Variants in ARHGAP39 observed in about 807,000 individuals in gnomAD.
The protein encoded by ARHGAP39 is rho GTPase-activating protein 39.
A neutral mutation model predicts 106.9 loss-of-function variants in ARHGAP39; 44 were observed. The observed-to-expected ratio is 0.41, with a 90% CI of 0.32 to 0.53. The LOEUF (loss-of-function observed/expected upper bound fraction) is 0.53. Among genes scored for constraint, ARHGAP39 ranks in the 20% least tolerant of loss-of-function variants. The probability of loss-of-function intolerance (pLI) is 0.21; values close to 1 mark genes in which losing one functional copy is unlikely to be tolerated. For missense variants in ARHGAP39, 1,496 were observed against 1,577.3 expected (o/e 0.95, Z 0.87); for synonymous variants, 768 against 693.2 (o/e 1.11, Z -1.69).
At position 144,547,484 on chromosome 8, in the gene ARHGAP39, G is replaced by A; in HGVS notation, c.1602C>T (p.Ala534=). 1 of 1,528,586 alleles carries A rather than the reference G, an allele frequency of 6.5e-7. No homozygotes were observed. The highest frequency in any genetic ancestry group is 8.8e-7 in the Non-Finnish European group (1 of 1,142,040). 94.7% of individuals were successfully genotyped at this position (1,528,586 alleles called of 1,614,324 possible). ...EEQPPCGTSL[A]PVKRAEGEAE... is the part of the protein sequence containing the mutation. ...CCTCACCTTCCGCTCGCTTCACGGGGGCGAGGCTGGTCCCGCACGGGGGCT... is the reference window on the plus strand; with the variant it reads ...CCTCACCTTCCGCTCGCTTCACGGGAGCGAGGCTGGTCCCGCACGGGGGCT... Residue 534 remains alanine, a synonymous_variant, in exon 5 of 12, where the codon GCC becomes GCT. Coordinates refer to ENST00000377307, the MANE Select transcript of ARHGAP39 (RefSeq NM_025251.3). This position sits in a 1 kb window ranked among gnomAD's most constrained non-coding sequence, Gnocchi z 5.2.
At position 144,545,438 on chromosome 8, in the gene ARHGAP39, G is replaced by A; in HGVS notation, c.2332C>T (p.Gln778Ter). 6.3e-7 allele frequency: 1 copy of A among 1,591,504 alleles called. No individual in the cohort carries two copies. Among genetic ancestry groups the A allele is most frequent in the Non-Finnish European group, 8.6e-7 (1 of 1,165,624 alleles). The change falls in exon 6 of 12, where the codon CAG becomes TAG. Residue 778 changes from glutamine to a stop codon, truncating the protein, a stop_gained. Coordinates refer to ENST00000377307, the MANE Select transcript of ARHGAP39 (RefSeq NM_025251.3). LOFTEE classifies it high-confidence loss of function. Reference sequence around the variant, plus strand: ...ATGTAGAGCTCGTCCCGCAGGCCCTGCACGCTCCAGCCCTTGGTGGCCACC... The same window carrying A: ...ATGTAGAGCTCGTCCCGCAGGCCCTACACGCTCCAGCCCTTGGTGGCCACC... ...LEVATKGWSV[Q>*]GLRDELYIQL... is the part of the protein sequence containing the mutation.
At chr8:144,696,319 A>T in the ARHGAP39 span, among the ~76,000 whole-genome samples, 4,542 of 152,200 alleles carry the variant, frequency 0.03, 212 homozygotes, top group African/African-American at 0.1. Flanking sequence ...TTGTATGTTT[A>T]GTAGAGACGG....
chr8:144,611,994 A>G (rs371014985), intron 1 of ARHGAP39, among the ~76,000 whole-genome samples: 284 of 151,356 alleles, frequency 1.9e-3, no homozygotes, highest in African/African-American at 6.3e-3. Context: ...GGGTGACAAG[A>G]GCAAAACTCC....
At chr8:144,689,426 C>CTTT (rs71320837), upstream of ARHGAP39, among the ~76,000 whole-genome samples, 17 of 67,608 alleles carry the variant, frequency 2.5e-4, no homozygotes, top group Non-Finnish European at 2.9e-4. Context: ...TCTTAACCAT[C>CTTT]TTTTTTTTTT....
intron 2 of ARHGAP39, among the ~76,000 whole-genome samples, chr8:144,600,621 C>A (rs552103873): frequency 7.4e-6 from 1 of 134,602 alleles, no homozygotes; most frequent in Non-Finnish European, 1.6e-5. Flanking sequence ...GGCGTGCGTG[C>A]GCACTTGGGT....
At chr8:144,654,651 C>A (rs1821652410) in intron 1 of ARHGAP39, among the ~76,000 whole-genome samples, 1 of 152,148 alleles carries the variant, frequency 6.6e-6, no homozygotes, top group African/African-American at 2.4e-5. Context: ...CAAGCAGGAG[C>A]CCCGCCCCTT....
At position 144,646,086 on chromosome 8, in the gene ARHGAP39, T is replaced by C. The variant is rs973019376; in HGVS notation, c.-82+39600A>G. ...TGGGCGTCCCCCGGAGCTGCACTGG[T>C]CACCCCTCCCCACCGGTGGCACCAA... On this transcript the variant is annotated intron_variant, in intron 1 of 11. Coordinates refer to ENST00000377307, the MANE Select transcript of ARHGAP39 (RefSeq NM_025251.3). The surrounding 1 kb of genome is among the most constrained non-coding windows in gnomAD (Gnocchi z 5.7). 8.5e-5 allele frequency among the ~76,000 whole-genome samples: 13 copies of C among 152,248 alleles called. No individual in the cohort carries two copies. Among genetic ancestry groups the C allele is most frequent in the Admixed American group, 4.6e-4 (7 of 15,298 alleles).
chr8:144,581,311 A>C, intron 2 of ARHGAP39, 34 bp from the exon 3 acceptor site: 1 of 1,510,236 alleles, frequency 6.6e-7, no homozygotes, highest in Non-Finnish European at 8.9e-7. Context: ...GGCTGGAGCC[A>C]CGGCGGCCTG....
At chr8:144,633,439 C>CA (rs1451887910) in intron 1 of ARHGAP39, among the ~76,000 whole-genome samples, 1 of 151,956 alleles carries the variant, frequency 6.6e-6, no homozygotes, top group Non-Finnish European at 1.5e-5. Context: ...AGCCTGGTGA[C>CA]AGAGTGAGAC....
intron 1 of ARHGAP39, among the ~76,000 whole-genome samples, chr8:144,674,546 T>A (rs1370836399): frequency 6.6e-6 from 1 of 152,220 alleles, no homozygotes; most frequent in Non-Finnish European, 1.5e-5. Context: ...AAACTCTTAC[T>A]CTGGTCCATG....
At chr8:144,532,452 T>A in intron 9 of ARHGAP39, 56 bp from the exon 10 acceptor site, 2 of 1,498,574 alleles carry the variant, frequency 1.3e-6, no homozygotes, top group Non-Finnish European at 9.2e-7. Context: ...GGCTTCATGA[T>A]TCCGCCTGGA....
intron 7 of ARHGAP39, among the ~76,000 whole-genome samples, chr8:144,535,629 G>A (rs1175213692): frequency 2.6e-5 from 4 of 152,236 alleles, no homozygotes; most frequent in South Asian, 2.1e-4. Context: ...TGGGGCAGAC[G>A]GCAGGGCTGG....
chr8:144,566,635 C>T (rs1440280391), intron 3 of ARHGAP39, among the ~76,000 whole-genome samples: 2 of 152,080 alleles, frequency 1.3e-5, no homozygotes, highest in Non-Finnish European at 2.9e-5. Flanking sequence ...GTGGGCAGAT[C>T]ACTTGAGGTC....
the ARHGAP39 span, among the ~76,000 whole-genome samples, chr8:144,694,444 A>G: frequency 6.6e-6 from 1 of 152,238 alleles, no homozygotes; most frequent in East Asian, 1.9e-4. Flanking sequence ...GGCTCAGCCC[A>G]AGGACAGGTG....
chr8:144,653,016 G>A (rs1195484865), intron 1 of ARHGAP39, among the ~76,000 whole-genome samples: 1 of 152,150 alleles, frequency 6.6e-6, no homozygotes, highest in Non-Finnish European at 1.5e-5. Flanking sequence ...TGAAATATGA[G>A]GCCGGGCGCA....
At chr8:144,610,333 TC>T (rs1193536573) in intron 1 of ARHGAP39, among the ~76,000 whole-genome samples, 2 of 152,340 alleles carry the variant, frequency 1.3e-5, no homozygotes, top group East Asian at 3.9e-4. Context: ...TTGTTTCCTT[TC>T]TTTTGCATCC....
chr8:144,633,533 A>G (rs573426424), intron 1 of ARHGAP39, among the ~76,000 whole-genome samples: 38 of 152,256 alleles, frequency 2.5e-4, no homozygotes, highest in Non-Finnish European at 4.8e-4. Flanking sequence ...AATCTTCCAT[A>G]ATGCCCAAAA....
At chr8:144,698,961 G>A in the ARHGAP39 span, 56 of 442,426 alleles carry the variant, frequency 1.3e-4, no homozygotes, top group Middle Eastern at 6.7e-4. Context: ...CAACCCCAGT[G>A]AGAAGGCCCC....
chr8:144,698,711 C>G, the ARHGAP39 span: 3 of 369,362 alleles, frequency 8.1e-6, no homozygotes, highest in African/African-American at 2.2e-5. Flanking sequence ...CTTTTCCTGG[C>G]CTGCCTGGCA....
Sources: gnomAD v4.1 joint callset for allele counts (sites outside exome capture counted in the v4.1 genomes callset) on GRCh38, gnomAD v4.1.1 for gene constraint, Gnocchi (gnomAD v3.1) non-coding constraint, MANE v1.5 for transcripts, NCBI Gene and HGNC (gene_info 2026-07-23, HGNC 2026-07-21) for gene names.